The following PBX4 variants were observed in gnomAD, a reference collection of about 807,000 sequenced individuals.
PBX4 encodes the protein pre-B-cell leukemia transcription factor 4.
Under a neutral mutation model 35.1 loss-of-function variants are expected in PBX4, and 26 were observed. That is an observed-to-expected ratio of 0.74 (90% CI 0.54 to 1.03). The LOEUF (loss-of-function observed/expected upper bound fraction) is 1.03, where lower values mean the gene tolerates loss of function less well. Ranked by LOEUF, PBX4 falls within the 50% of genes least tolerant of loss-of-function variation. The pLI, the probability that PBX4 is intolerant of heterozygous loss-of-function variation, is 0.00. For synonymous variants in PBX4, 199 were observed against 204.2 expected, an observed-to-expected ratio of 0.97 and a Z score of 0.22; for missense variants, 448 against 504.3, an observed-to-expected ratio of 0.89 and a Z score of 1.07.
intron 2 of PBX4, among the ~76,000 whole-genome samples, chr19:19,574,498 C>G (rs773436094): frequency 1.2e-4 from 18 of 152,196 alleles, no homozygotes; most frequent in Non-Finnish European, 2.5e-4. Context: ...CCACCTCACA[C>G]TCAAGGACCC....
chr19:19,575,041 G>A (rs2061410508), intron 2 of PBX4, among the ~76,000 whole-genome samples: 1 of 151,606 alleles, frequency 6.6e-6, no homozygotes, highest in South Asian at 2.1e-4. Flanking sequence ...CACCATCCTG[G>A]CTAACACGGT....
At chr19:19,605,443 T>C (rs531303645) in intron 1 of PBX4, among the ~76,000 whole-genome samples, 26 of 142,340 alleles carry the variant, frequency 1.8e-4, no homozygotes, top group Non-Finnish European at 3.6e-4. Flanking sequence ...ATAATAATAA[T>C]AATAACAATA....
chr19:19,580,403 T>A (rs2144733168), intron 2 of PBX4, among the ~76,000 whole-genome samples: 1 of 152,286 alleles, frequency 6.6e-6, no homozygotes, highest in East Asian at 1.9e-4. Context: ...CGGGGTCTCC[T>A]ATGCTACTGG....
At chr19:19,569,818 T>G (rs542709638) in intron 4 of PBX4, among the ~76,000 whole-genome samples, 17 of 152,132 alleles carry the variant, frequency 1.1e-4, no homozygotes, top group African/African-American at 4.1e-4. Context: ...GCTGAAGCAG[T>G]AGAATCGCTT....
rs763640323 is a variant in PBX4, at chr19:19,570,739, G to A, written c.288C>T (p.Pro96=). Residue 96 remains proline, a synonymous_variant, in exon 3 of 8, where the codon CCC becomes CCT. Coordinates refer to ENST00000251203, the MANE Select transcript of PBX4 (RefSeq NM_025245.3). ...CCGCTCCTCCTCTTCCTCTCTTCTC[G>A]GGCCTGCACACGCCCTCAGCCAGCA... The part of the protein sequence containing the change: ...NMLLAEGVCR[P]EKRGRGGAVA... 73 of 1,613,936 alleles carry A rather than the reference G, an allele frequency of 4.5e-5. No homozygotes were observed. The highest frequency in any genetic ancestry group is 5.4e-5 in the Non-Finnish European group (64 of 1,180,026).
intron 1 of PBX4, among the ~76,000 whole-genome samples, chr19:19,604,667 C>T (rs1189784648): frequency 6.6e-6 from 1 of 151,816 alleles, no homozygotes; most frequent in Non-Finnish European, 1.5e-5. Context: ...GTAGCGCGAT[C>T]TTGGCTTACT....
At position 19,563,000 on chromosome 19, in the gene PBX4, T is replaced by C. The variant is rs1028925386; in HGVS notation, c.1032+509A>G. On this transcript the variant is annotated intron_variant, in intron 7 of 7. Coordinates refer to ENST00000251203, the MANE Select transcript of PBX4 (RefSeq NM_025245.3). This position sits in a 1 kb window ranked among gnomAD's most constrained non-coding sequence, Gnocchi z 4.8. ...TTGGGAGGGGCACCCGGCTCTGCAG[T>C]GCCCTGGCACACACCACACACACAG... Among the ~76,000 whole-genome samples, 8 of 152,094 alleles carry C rather than the reference T, an allele frequency of 5.3e-5. No individual in the cohort carries two copies. Among genetic ancestry groups the C allele is most frequent in the African/African-American group, 1.9e-4 (8 of 41,426 alleles).
At position 19,562,766 on chromosome 19, in the gene PBX4, C is replaced by G. The variant is rs1285247321; in HGVS notation, c.1033-649G>C. On this transcript the variant is annotated intron_variant, in intron 7 of 7. Coordinates refer to ENST00000251203, the MANE Select transcript of PBX4 (RefSeq NM_025245.3). This position sits in a 1 kb window ranked among gnomAD's most constrained non-coding sequence, Gnocchi z 4.8. ...GCACTCTGCTCTGAACTGGGGTGGA[C>G]ACACAGCTGCTGGCGCGTAGTCAGG... 6.6e-6 allele frequency among the ~76,000 whole-genome samples: 1 copy of G among 152,156 alleles called. No homozygotes were observed. The highest frequency in any genetic ancestry group is 1.5e-5 in the Non-Finnish European group (1 of 68,016).
At chr19:19,618,457 G>T in intron 1 of PBX4, 54 bp downstream of exon 1, 3 of 1,358,968 alleles carry the variant, frequency 2.2e-6, no homozygotes, top group African/African-American at 1.5e-5. Flanking sequence ...CCCTCAGCCC[G>T]CCAACCTCAC....
chr19:19,606,140 CT>C (rs1195287754), intron 1 of PBX4, among the ~76,000 whole-genome samples: 1 of 152,150 alleles, frequency 6.6e-6, no homozygotes. Context: ...TTATATAATC[CT>C]TTTTCCTTGA....
Position 19,599,514 on chromosome 19 carries a change from T to C in PBX4, c.120-149A>G. Reference sequence around the variant, plus strand: ...GTCGCCTTATGAAAATGCAGTACAATCATATTTCATGTGAATTTGATTTGC... The same window carrying C: ...GTCGCCTTATGAAAATGCAGTACAACCATATTTCATGTGAATTTGATTTGC... On this transcript the variant is annotated intron_variant, in intron 1 of 7. Coordinates refer to ENST00000251203, the MANE Select transcript of PBX4 (RefSeq NM_025245.3). The C allele has an allele frequency of 6.1e-6, 4 of 655,488 alleles. No individual in the cohort carries two copies. In the South Asian group the frequency reaches 6.4e-5, roughly 11 times the overall value. The allele number at this position is 655,488 out of a possible 1,614,324, so 40.6% of individuals were successfully genotyped here. A position where few individuals can be genotyped will look rare whatever the true frequency, so the allele number is the denominator to read the frequency against.
At position 19,600,410 on chromosome 19, in the gene PBX4, A is replaced by G. The variant is rs541582768; in HGVS notation, c.120-1045T>C. ...GCATGGTGGTATGCCTGTAGTCCCA[A>G]TCCCTCAGGAGGCTGAGACAGGAGG... On this transcript the variant is annotated intron_variant, in intron 1 of 7. Transcript: ENST00000251203. Among the ~76,000 whole-genome samples the G allele has an allele frequency of 6.6e-5, 10 of 151,590 alleles. No homozygotes were observed. The South Asian group carries it at 1.7e-3, about 25-fold the overall frequency.
intron 1 of PBX4, among the ~76,000 whole-genome samples, chr19:19,612,627 T>C (rs1568400591): frequency 6.6e-6 from 1 of 152,146 alleles, no homozygotes; most frequent in Non-Finnish European, 1.5e-5. Flanking sequence ...TGAGGATGGA[T>C]GATTTTTGTC....
chr19:19,602,193 G>T (rs1184666238), intron 1 of PBX4, among the ~76,000 whole-genome samples: 1 of 152,062 alleles, frequency 6.6e-6, no homozygotes, highest in Admixed American at 6.6e-5. Flanking sequence ...AGCACTATGG[G>T]AGGCTGAGGT....
intron 2 of PBX4, among the ~76,000 whole-genome samples, chr19:19,579,206 G>A (rs1037948516): frequency 3.9e-5 from 6 of 151,992 alleles, no homozygotes; most frequent in Non-Finnish European, 7.4e-5. Flanking sequence ...AAAATTAGCC[G>A]GGCATGGTGG....
chr19:19,566,201 C>T (rs8113221), intron 5 of PBX4, among the ~76,000 whole-genome samples: 66,666 of 151,992 alleles, frequency 0.44, 14,938 homozygotes, highest in African/African-American at 0.51. Flanking sequence ...TGGAGTCCCC[C>T]AGGGAGGGGC....
intron 2 of PBX4, among the ~76,000 whole-genome samples, chr19:19,589,517 C>T (rs1027851469): frequency 2.6e-5 from 4 of 152,000 alleles, no homozygotes; most frequent in Admixed American, 2.6e-4. Flanking sequence ...GCCTGTAAAT[C>T]CCAGCACTTT....
rs745439866 is a variant in PBX4 at position 19,570,112 on chromosome 19, G to C, written c.629C>G (p.Ala210Gly). The change falls in exon 4 of 8, where the codon GCC becomes GGC. Residue 210 changes from alanine to glycine, a missense_variant. Ala to Gly is a moderately conservative substitution (Grantham distance 60). Coordinates refer to ENST00000251203, the MANE Select transcript of PBX4 (RefSeq NM_025245.3). The part of the protein sequence containing the change: ...VMTLRSRLLD[A>G]RRKRRNFSKQ... Reference sequence around the variant, plus strand: ...TTGGGTACGTACAGGCCCTGACCTGGCATCGAGCAGCCGCGAACGCAGGGT... The same window carrying C: ...TTGGGTACGTACAGGCCCTGACCTGCCATCGAGCAGCCGCGAACGCAGGGT... 1.9e-6 allele frequency: 3 copies of C among 1,599,542 alleles called. No individual in the cohort carries two copies. Among genetic ancestry groups the C allele is most frequent in the Non-Finnish European group, 1.7e-6 (2 of 1,171,852 alleles).
intron 2 of PBX4, among the ~76,000 whole-genome samples, chr19:19,581,104 C>T (rs982714756): frequency 5.9e-5 from 9 of 152,222 alleles, no homozygotes; most frequent in Non-Finnish European, 1.3e-4. Flanking sequence ...CACCTGTCAC[C>T]TGCCTACAGC....
Sources: gnomAD v4.1 joint callset for allele counts (sites outside exome capture counted in the v4.1 genomes callset) on GRCh38, gnomAD v4.1.1 for gene constraint, Gnocchi (gnomAD v3.1) non-coding constraint, MANE v1.5 for transcripts, NCBI Gene and HGNC (gene_info 2026-07-23, HGNC 2026-07-21) for gene names.